The following RNF141 variants were observed in gnomAD, a reference collection of about 807,000 sequenced individuals.
The protein encoded by RNF141 is ring finger protein 141, also known as C3HC4-like zinc finger protein.
RNF141 carries 18 observed loss-of-function variants against 27.4 expected under a neutral mutation model. The observed-to-expected ratio is 0.66, with a 90% CI of 0.45 to 0.97. The LOEUF is 0.97. Among genes scored for constraint, RNF141 ranks in the 50% least tolerant of loss-of-function variants. RNF141 has a pLI of 0.00. For missense variants in RNF141, 230 were observed against 279.4 expected (o/e 0.82, Z 1.26); for synonymous variants, 97 against 96.6 (o/e 1.00, Z -0.02).
chr11:10,539,296 A>G (rs1850064562), intron 1 of RNF141, among the ~76,000 whole-genome samples: 1 of 152,180 alleles, frequency 6.6e-6, no homozygotes, highest in Admixed American at 6.5e-5. Context: ...AAAATAACTA[A>G]AGCAAAATGG....
intron 5 of RNF141, chr11:10,515,703 G>T (rs1441605329): frequency 6.6e-6 from 1 of 152,092 alleles, no homozygotes; most frequent in African/African-American, 2.4e-5. Context: ...CAAGAAGAAA[G>T]GATATTATTA....
chr11:10,540,382 A>G (rs925601526), intron 1 of RNF141, among the ~76,000 whole-genome samples: 2 of 152,264 alleles, frequency 1.3e-5, no homozygotes, highest in African/African-American at 2.4e-5. Context: ...ATCGATTTCA[A>G]TAACAATCGT....
intron 1 of RNF141, among the ~76,000 whole-genome samples, chr11:10,539,691 C>CATATATATATATATGTTATATAT (rs1554905298): frequency 5.0e-5 from 2 of 40,350 alleles, no homozygotes; most frequent in African/African-American, 1.5e-4. Context: ...AAGATACATA[C>CATATATATATATATGTTATATAT]ATATATATTA....
At chr11:10,523,062 CT>C (rs1425093453) in intron 4 of RNF141, among the ~76,000 whole-genome samples, 1 of 152,170 alleles carries the variant, frequency 6.6e-6, no homozygotes, top group Non-Finnish European at 1.5e-5. Flanking sequence ...AAAAGGCTTG[CT>C]TTTTTCAGGC....
chr11:10,524,384 G>A (rs1370230642), intron 4 of RNF141, among the ~76,000 whole-genome samples: 1 of 151,916 alleles, frequency 6.6e-6, no homozygotes, highest in Non-Finnish European at 1.5e-5. Flanking sequence ...CTGGGCGACA[G>A]AGCAAGACTC....
intron 1 of RNF141, among the ~76,000 whole-genome samples, chr11:10,539,512 G>A (rs969662698): frequency 6.7e-6 from 1 of 149,206 alleles, no homozygotes; most frequent in Admixed American, 6.7e-5. Context: ...GGTCCCTAAG[G>A]ATATTATTTA....
chr11:10,514,343 A>C lies in RNF141; in HGVS notation c.*573T>G, dbSNP rs563004216. On this transcript the variant is annotated 3_prime_UTR_variant, in exon 6 of 6. Coordinates refer to ENST00000265981, the MANE Select transcript of RNF141 (RefSeq NM_016422.4). ...ACAGTAGTTCCAAAACACACTGCTA[A>C]AGTTATGAAATAATTGTGGATCATT... is the stretch of plus-strand genomic sequence containing the variant. 6.5e-6 allele frequency: 1 copy of C among 152,718 alleles called. No individual in the cohort carries two copies. Among genetic ancestry groups the C allele is most frequent in the East Asian group, 1.9e-4 (1 of 5,188 alleles). The allele number at this position is 152,718 out of a possible 1,614,324, so 9.5% of individuals were successfully genotyped here. A position where few individuals can be genotyped will look rare whatever the true frequency, so the allele number is the denominator to read the frequency against.
In RNF141 at chr11:10,514,688, G is replaced by C; in HGVS notation, c.*228C>G. 1 of 414,402 alleles carries C rather than the reference G, an allele frequency of 2.4e-6. No individual in the cohort carries two copies. Among genetic ancestry groups the C allele is most frequent in the Non-Finnish European group, 4.2e-6 (1 of 236,790 alleles). The allele number at this position is 414,402 out of a possible 1,614,324, so 25.7% of individuals were successfully genotyped here. On this transcript the variant is annotated 3_prime_UTR_variant, in exon 6 of 6. Coordinates refer to ENST00000265981, the MANE Select transcript of RNF141 (RefSeq NM_016422.4). Reference sequence around the variant, plus strand: ...AGTTGTAATAATACAAATTTGAACAGATAAATAATAGGAAAATATGGTCTA... The same window carrying C: ...AGTTGTAATAATACAAATTTGAACACATAAATAATAGGAAAATATGGTCTA...
chr11:10,525,090 A>G (rs1214119314), intron 4 of RNF141, 102 bp downstream of exon 4: 7 of 897,506 alleles, frequency 7.8e-6, no homozygotes, highest in Non-Finnish European at 9.7e-6. Context: ...AGAAAAAAAA[A>G]AGATTTAAGA....
intron 1 of RNF141, among the ~76,000 whole-genome samples, chr11:10,535,281 G>C (rs1378676502): frequency 6.6e-6 from 1 of 150,830 alleles, no homozygotes; most frequent in Admixed American, 6.6e-5. Context: ...ATTTCCTTTA[G>C]GTATTAAAAT....
In RNF141 at chr11:10,512,224, CAA is replaced by C. The variant is rs2133962293; in HGVS notation, c.*2690_*2691del. 1 of 152,348 alleles carries C rather than the reference CAA, an allele frequency of 6.6e-6. No individual in the cohort carries two copies. Among genetic ancestry groups the C allele is most frequent in the East Asian group, 1.9e-4 (1 of 5,178 alleles). The allele number at this position is 152,348 out of a possible 1,614,324, so 9.4% of individuals were successfully genotyped here. A position where few individuals can be genotyped will look rare whatever the true frequency, so the allele number is the denominator to read the frequency against. Reference sequence around the variant, plus strand: ...AAAAAAGACAAAGCTGTACAGAATACAAAAAGTGTACATTTCATCCATTAAAC... The same window carrying C: ...AAAAAAGACAAAGCTGTACAGAATACAAAGTGTACATTTCATCCATTAAAC... On this transcript the variant is annotated 3_prime_UTR_variant, in exon 6 of 6. Transcript: ENST00000265981.
intron 4 of RNF141, among the ~76,000 whole-genome samples, chr11:10,523,895 T>C (rs1849909260): frequency 6.6e-6 from 1 of 152,228 alleles, no homozygotes; most frequent in South Asian, 2.1e-4. Context: ...TTTGAAAGAT[T>C]ACAGAATACA....
chr11:10,524,345 G>A (rs1463558801), intron 4 of RNF141, among the ~76,000 whole-genome samples: 1 of 152,232 alleles, frequency 6.6e-6, no homozygotes, highest in African/African-American at 2.4e-5. Flanking sequence ...AACCCGGGAG[G>A]CAGAGCTTGC....
intron 4 of RNF141, among the ~76,000 whole-genome samples, chr11:10,521,572 T>A (rs904521827): frequency 6.6e-6 from 1 of 152,222 alleles, no homozygotes; most frequent in African/African-American, 2.4e-5. Flanking sequence ...GCACTGTATG[T>A]AAGATATTTA....
At position 10,512,974 on chromosome 11, in the gene RNF141, T is replaced by C. The variant is rs569532636; in HGVS notation, c.*1942A>G. Reference sequence around the variant, plus strand: ...TGTATGCACACGTGTTTAAAGGTTCTGTAAGATTTTCCTTGAAAAAGTTTT... The same window carrying C: ...TGTATGCACACGTGTTTAAAGGTTCCGTAAGATTTTCCTTGAAAAAGTTTT... On this transcript the variant is annotated 3_prime_UTR_variant, in exon 6 of 6. Transcript: ENST00000265981. The C allele has an allele frequency of 3.9e-5, 6 of 152,378 alleles. No individual in the cohort carries two copies. In the South Asian group the frequency reaches 1.0e-3, roughly 26 times the overall value. The allele number at this position is 152,378 out of a possible 1,614,324, so 9.4% of individuals were successfully genotyped here.
chr11:10,528,555 C>T lies in RNF141; in HGVS notation c.252+2088G>A, dbSNP rs567724038. Among the ~76,000 whole-genome samples, 30 of 152,196 alleles carry T rather than the reference C, an allele frequency of 2.0e-4. 1 individual carries two copies. Among genetic ancestry groups the T allele is most frequent in the Admixed American group, 1.8e-3 (28 of 15,296 alleles). On this transcript the variant is annotated intron_variant, in intron 3 of 5. Coordinates refer to ENST00000265981, the MANE Select transcript of RNF141 (RefSeq NM_016422.4). The stretch of plus-strand genomic sequence containing the variant: ...GTATTTGTCAAAGAGCAACAAAAAA[C>T]GAAGGGATGAAAAGCCTGATATATT...
Position 10,534,183 on chromosome 11 carries a change from CAG to C in RNF141, c.-27_-26del, listed in dbSNP as rs1850014560. ...TGATGAAAAGATGTCTTTCAAAATCCAGAGTGTTGCTTCACATAGTTTCTGTC... is the reference window on the plus strand; with the variant it reads ...TGATGAAAAGATGTCTTTCAAAATCCAGTGTTGCTTCACATAGTTTCTGTC... On this transcript the variant is annotated 5_prime_UTR_variant, in exon 2 of 6. Coordinates refer to ENST00000265981, the MANE Select transcript of RNF141 (RefSeq NM_016422.4). The C allele has an allele frequency of 1.2e-6, 2 of 1,608,890 alleles. No individual in the cohort carries two copies. Among genetic ancestry groups the C allele is most frequent in the African/African-American group, 1.3e-5 (1 of 74,664 alleles).
At chr11:10,520,457 T>C (rs532033046) in intron 4 of RNF141, among the ~76,000 whole-genome samples, 2 of 152,306 alleles carry the variant, frequency 1.3e-5, no homozygotes, top group Non-Finnish European at 2.9e-5. Flanking sequence ...CCTCCACCTC[T>C]TGTCCCACTG....
chr11:10,518,376 T>C (rs1292126169), intron 5 of RNF141: 4 of 152,116 alleles, frequency 2.6e-5, no homozygotes, highest in Non-Finnish European at 5.9e-5. Context: ...AAACAAGCTA[T>C]GGTATCCACA....
Sources: gnomAD v4.1 joint callset for allele counts (sites outside exome capture counted in the v4.1 genomes callset) on GRCh38, gnomAD v4.1.1 for gene constraint, MANE v1.5 for transcripts, NCBI Gene and HGNC (gene_info 2026-07-23, HGNC 2026-07-21) for gene names.